The following COL16A1 variants were observed in gnomAD, a reference collection of about 807,000 sequenced individuals.
COL16A1 encodes the protein collagen alpha-1(XVI) chain.
COL16A1 carries 189 observed loss-of-function variants against 266.3 expected under a neutral mutation model. The observed-to-expected ratio is 0.71, with a 90% confidence interval of 0.63 to 0.80. The LOEUF is 0.80. Among genes scored for constraint, COL16A1 ranks in the 30% least tolerant of loss-of-function variants. COL16A1 has a pLI of 0.00. For synonymous variants in COL16A1, 740 were observed against 782.3 expected, an observed-to-expected ratio of 0.95 and a Z score of 0.90; for missense variants, 1,928 against 2,122.4, an observed-to-expected ratio of 0.91 and a Z score of 1.80.
Position 31,701,263 on chromosome 1 carries a change from A to C in COL16A1, c.73+858T>G, listed in dbSNP as rs146378728. The C allele has an allele frequency of 1.5e-4, 146 of 969,416 alleles. 1 individual carries two copies. In the East Asian group the frequency reaches 0.014, roughly 95 times the overall value. 60.1% of individuals were successfully genotyped at this position (969,416 alleles called of 1,614,324 possible). A position where few individuals can be genotyped will look rare whatever the true frequency, so the allele number is the denominator to read the frequency against. ...TTGGCAATGGGCCCAGATTCCTTAC[A>C]GATGTTGAAATTATCTGCCCCATCC... On this transcript the variant is annotated intron_variant, in intron 2 of 70. Transcript: ENST00000373672.
At chr1:31,699,427 G>C (rs1053356356) in intron 4 of COL16A1, among the ~76,000 whole-genome samples, 2 of 152,182 alleles carry the variant, frequency 1.3e-5, no homozygotes, top group African/African-American at 4.8e-5. Flanking sequence ...GAGGCAAGCA[G>C]GGGCCAGGCC....
intron 51 of COL16A1, among the ~76,000 whole-genome samples, chr1:31,667,841 C>T (rs1642274265): frequency 6.6e-6 from 1 of 152,174 alleles, no homozygotes; most frequent in African/African-American, 2.4e-5. Context: ...CACCCAGCAG[C>T]TTCTGTGGGG....
chr1:31,664,868 AC>A lies in COL16A1; in HGVS notation c.3555+303del, dbSNP rs1641992262. ...CTATCACATTCTACTCCTCCATCAGACCCCCTGCCTCCTCCCCACCTACCTC... is the reference window on the plus strand; with the variant it reads ...CTATCACATTCTACTCCTCCATCAGACCCCTGCCTCCTCCCCACCTACCTC... On this transcript the variant is annotated intron_variant, in intron 56 of 70. Transcript: ENST00000373672. This position sits in a 1 kb window ranked among gnomAD's most constrained non-coding sequence, Gnocchi z 5.5. Among the ~76,000 whole-genome samples, 1 of 150,616 alleles carries A rather than the reference AC, an allele frequency of 6.6e-6. No homozygotes were observed. Among genetic ancestry groups the A allele is most frequent in the Non-Finnish European group, 1.5e-5 (1 of 67,638 alleles).
At chr1:31,701,886 A>G (rs1644736903) in intron 2 of COL16A1, among the ~76,000 whole-genome samples, 1 of 152,132 alleles carries the variant, frequency 6.6e-6, no homozygotes, top group African/African-American at 2.4e-5. Flanking sequence ...TGAGAGACAA[A>G]CACAGAGATG....
In COL16A1 at chr1:31,698,769, C is replaced by T. The variant is rs550640804; in HGVS notation, c.267-163G>A. Among the ~76,000 whole-genome samples, 9 of 152,264 alleles carry T rather than the reference C, an allele frequency of 5.9e-5. No homozygotes were observed. The highest frequency in any genetic ancestry group is 5.8e-4 in the East Asian group (3 of 5,176). ...CCATACCTTTACTGAGTGCCTTCCG[C>T]GAGCTAGGTGCGGGTCTGGCTGCTG... On this transcript the variant is annotated intron_variant, in intron 4 of 70. Coordinates refer to ENST00000373672, the MANE Select transcript of COL16A1 (RefSeq NM_001856.4). The surrounding 1 kb of genome is among the most constrained non-coding windows in gnomAD (Gnocchi z 4.1).
rs780802477 is a variant in COL16A1, at chr1:31,682,931, T to A, written c.2538+3A>T. On this transcript the variant is annotated splice_donor_region_variant and intron_variant, in intron 37 of 70. Coordinates refer to ENST00000373672, the MANE Select transcript of COL16A1 (RefSeq NM_001856.4). Reference sequence around the variant, plus strand: ...ACCAGCATGGAGCACAGAGAAGACTTACCGGAGGCCCAGAGACACTGGCCC... The same window carrying A: ...ACCAGCATGGAGCACAGAGAAGACTAACCGGAGGCCCAGAGACACTGGCCC... 5.0e-6 allele frequency: 8 copies of A among 1,613,962 alleles called. No individual in the cohort carries two copies. In the South Asian group the frequency reaches 7.7e-5, roughly 16 times the overall value.
At position 31,702,462 on chromosome 1, in the gene COL16A1, C is replaced by T. The variant is rs571841859; in HGVS notation, c.-34-235G>A. Among the ~76,000 whole-genome samples the T allele has an allele frequency of 9.8e-5, 15 of 152,294 alleles. No individual in the cohort carries two copies. In the South Asian group the frequency reaches 2.5e-3, roughly 25 times the overall value. On this transcript the variant is annotated intron_variant, in intron 1 of 70. Coordinates refer to ENST00000373672, the MANE Select transcript of COL16A1 (RefSeq NM_001856.4). ...TATGGCACGGATACCAGCTTTCAGG[C>T]AAAGCAGAAAGCTGCCTACTGCACT...
chr1:31,652,620 G>C lies in COL16A1; in HGVS notation c.*31C>G. 1.3e-6 allele frequency: 2 copies of C among 1,530,998 alleles called. No individual in the cohort carries two copies. Among genetic ancestry groups the C allele is most frequent in the African/African-American group, 1.4e-5 (1 of 71,816 alleles). The allele number at this position is 1,530,998 out of a possible 1,614,324, so 94.8% of individuals were successfully genotyped here. ...AAGCTTTGGCCATTTATTCCCAACG[G>C]AGTCTTTCATCCAAAGGCAGGTGGG... On this transcript the variant is annotated 3_prime_UTR_variant, in exon 71 of 71. Transcript: ENST00000373672. The surrounding 1 kb of genome is among the most constrained non-coding windows in gnomAD (Gnocchi z 4.8).
At chr1:31,696,016 T>C in intron 9 of COL16A1, 72 bp downstream of exon 9, 8 of 1,353,610 alleles carry the variant, frequency 5.9e-6, no homozygotes, top group Non-Finnish European at 8.4e-6. Context: ...GAGCACCTTA[T>C]CCCTGGGGTT....
rs548961573 is a variant in COL16A1 at position 31,685,829 on chromosome 1, G to T, written c.1885-59C>A. 5.0e-6 allele frequency: 8 copies of T among 1,599,400 alleles called. No individual in the cohort carries two copies. The East Asian group carries it at 1.6e-4, about 31-fold the overall frequency. ...CCAGGCCCTAGTGCACTTGAGCGAGGTTTGGAATCTAGGGCTGGGGAATGT... is the reference window on the plus strand; with the variant it reads ...CCAGGCCCTAGTGCACTTGAGCGAGTTTTGGAATCTAGGGCTGGGGAATGT... On this transcript the variant is annotated intron_variant, in intron 28 of 70. Transcript: ENST00000373672. The surrounding 1 kb of genome is among the most constrained non-coding windows in gnomAD (Gnocchi z 4.0).
At chr1:31,672,659 A>AG in intron 45 of COL16A1, 22 bp from the exon 46 acceptor site, 1 of 1,605,828 alleles carries the variant, frequency 6.2e-7, no homozygotes, top group South Asian at 1.1e-5. Context: ...AATGAGAGGC[A>AG]CATTGTCTGA....
In COL16A1 at chr1:31,683,237, C is replaced by T. The variant is rs76807037; in HGVS notation, c.2426G>A (p.Gly809Glu). 1.9e-6 allele frequency: 3 copies of T among 1,614,178 alleles called. No homozygotes were observed. Among genetic ancestry groups the T allele is most frequent in the East Asian group, 4.5e-5 (2 of 44,878 alleles). ...AGTGGGGCCAGGTGGTCCCCGAGGTCCCGGAAGTCCCTGCAGATGGAAGCA... is the reference window on the plus strand; with the variant it reads ...AGTGGGGCCAGGTGGTCCCCGAGGTTCCGGAAGTCCCTGCAGATGGAAGCA... ...PGLPGIQGLP[G>E]PRGPPGPTGE... Residue 809 changes from glycine to glutamate, a missense_variant, in exon 36 of 71, where the codon GGA becomes GAA. Gly to Glu is a moderately conservative substitution (Grantham distance 98). Around this residue, in one of 2 missense-constraint regions of COL16A1, gnomAD observed 1,552 missense variants for 1,637.2 expected, o/e 0.95. Coordinates refer to ENST00000373672, the MANE Select transcript of COL16A1 (RefSeq NM_001856.4).
intron 42 of COL16A1, among the ~76,000 whole-genome samples, chr1:31,678,809 G>T (rs139162886): frequency 6.6e-6 from 1 of 152,182 alleles, no homozygotes; most frequent in South Asian, 2.1e-4. Flanking sequence ...CTTGCCTACC[G>T]TCACACAGCT....
intron 2 of COL16A1, among the ~76,000 whole-genome samples, 190 bp from the exon 3 acceptor site, chr1:31,700,305 C>G (rs1355208048): frequency 6.6e-6 from 1 of 152,212 alleles, no homozygotes; most frequent in Non-Finnish European, 1.5e-5. Context: ...ACCCAGCATA[C>G]AGTTTGGAAG....
Position 31,658,965 on chromosome 1 carries a change from C to T in COL16A1, c.3880-1G>A, listed in dbSNP as rs1169939929. 1 of 1,553,690 alleles carries T rather than the reference C, an allele frequency of 6.4e-7. No homozygotes were observed. Among genetic ancestry groups the T allele is most frequent in the Non-Finnish European group, 8.7e-7 (1 of 1,148,132 alleles). ...GCTGGCCTGGAGGCCCTGGTGGCCC[C>T]TAAAGAGAGATGAGTCAGTGGGATA... is the stretch of plus-strand genomic sequence containing the variant. On this transcript the variant is annotated splice_acceptor_variant, in intron 62 of 70. Transcript: ENST00000373672. LOFTEE classifies it high-confidence loss of function.
intron 2 of COL16A1, among the ~76,000 whole-genome samples, 196 bp downstream of exon 2, chr1:31,701,925 G>T (rs1815465): frequency 6.6e-5 from 10 of 152,234 alleles, no homozygotes; most frequent in Admixed American, 1.3e-4. Flanking sequence ...CGAAGACACA[G>T]GCACACACAC....
intron 29 of COL16A1, 53 bp from the exon 30 acceptor site, chr1:31,684,909 T>C (rs2148776255): frequency 6.2e-7 from 1 of 1,611,156 alleles, no homozygotes; most frequent in East Asian, 2.2e-5. Context: ...CACCCCAAAG[T>C]GCCCGGCACC....
rs550606751 is a variant in COL16A1, at chr1:31,669,250, T to C, written c.3196-395A>G. On this transcript the variant is annotated intron_variant, in intron 49 of 70. Coordinates refer to ENST00000373672, the MANE Select transcript of COL16A1 (RefSeq NM_001856.4). Reference sequence around the variant, plus strand: ...TCTGAGGGGCAACTGTCAGGAGAGGTACCCCAGATGGATGCTGCCACCAAA... The same window carrying C: ...TCTGAGGGGCAACTGTCAGGAGAGGCACCCCAGATGGATGCTGCCACCAAA... Among the ~76,000 whole-genome samples the C allele has an allele frequency of 4.6e-5, 7 of 152,030 alleles. No homozygotes were observed. In the South Asian group the frequency reaches 1.5e-3, roughly 32 times the overall value.
chr1:31,691,342 C>G (rs1239296196), intron 19 of COL16A1, 75 bp downstream of exon 19: 2 of 1,580,762 alleles, frequency 1.3e-6, no homozygotes, highest in East Asian at 2.2e-5. Context: ...TTATCTTCCC[C>G]CCGTTCATTC....
Sources: allele counts gnomAD v4.1 joint callset (sites outside exome capture counted in the v4.1 genomes callset), GRCh38; gene constraint gnomAD v4.1.1; regional missense constraint gnomAD v4.1.1; non-coding constraint Gnocchi (gnomAD v3.1); transcripts MANE v1.5; gene names NCBI Gene and HGNC (gene_info 2026-07-23, HGNC 2026-07-21).